Variants in NFIA observed in about 807,000 individuals in gnomAD.
The protein encoded by NFIA is nuclear factor I A.
In NFIA, 8 loss-of-function variants were observed where a neutral mutation model predicts 62.8. The ratio of observed to expected loss-of-function variants is 0.13; its 90% confidence interval spans 0.07 to 0.23. The LOEUF (loss-of-function observed/expected upper bound fraction) is 0.23. Among genes scored for constraint, NFIA ranks in the 10% least tolerant of loss-of-function variants. The pLI is 1.00. For synonymous variants in NFIA, 235 were observed against 238.1 expected (o/e 0.99, Z 0.12); for missense variants, 410 against 642.1 (o/e 0.64, Z 3.91).
chr1:61,237,412 A>C (rs977326737), intron 2 of NFIA, among the ~76,000 whole-genome samples: 29 of 152,230 alleles, frequency 1.9e-4, no homozygotes, highest in Non-Finnish European at 2.6e-4. Context: ...GGATGACATT[A>C]GCAACAGAAG....
chr1:61,117,326 T>C (rs939553734), intron 2 of NFIA, among the ~76,000 whole-genome samples: 6 of 152,150 alleles, frequency 3.9e-5, no homozygotes, highest in Non-Finnish European at 8.8e-5. Context: ...TCCATAGTGA[T>C]GGAAGAATGA....
chr1:61,135,545 C>G (rs1647167974), intron 2 of NFIA, among the ~76,000 whole-genome samples: 1 of 152,186 alleles, frequency 6.6e-6, no homozygotes, highest in Admixed American at 6.5e-5. Context: ...GCTGGGACTA[C>G]TGGCATGTGC....
intron 3 of NFIA, among the ~76,000 whole-genome samples, chr1:61,330,570 T>G (rs769762743): frequency 1.3e-5 from 2 of 151,958 alleles, no homozygotes; most frequent in Non-Finnish European, 2.9e-5. Flanking sequence ...GGTGGTAATT[T>G]GAATGAATGA....
At chr1:61,426,895 A>G (rs1019502075) in intron 10 of NFIA, among the ~76,000 whole-genome samples, 2 of 152,148 alleles carry the variant, frequency 1.3e-5, no homozygotes, top group Admixed American at 6.5e-5. Flanking sequence ...CCTGAAAGTA[A>G]TATCTGGTTG....
chr1:61,316,043 A>G (rs1008223312), intron 3 of NFIA, among the ~76,000 whole-genome samples: 2 of 152,206 alleles, frequency 1.3e-5, no homozygotes, highest in African/African-American at 4.8e-5. Flanking sequence ...TCTCGTCCAC[A>G]TACGGACTGA....
At chr1:61,347,057 G>A (rs1285438629) in intron 4 of NFIA, among the ~76,000 whole-genome samples, 2 of 151,932 alleles carry the variant, frequency 1.3e-5, no homozygotes, top group African/African-American at 4.8e-5. Flanking sequence ...AATTCAAGGT[G>A]AGATTTGGGT....
At chr1:61,341,040 G>T (rs1412783019) in intron 4 of NFIA, among the ~76,000 whole-genome samples, 5 of 150,494 alleles carry the variant, frequency 3.3e-5, no homozygotes, top group Non-Finnish European at 7.4e-5. Flanking sequence ...AACCACACCT[G>T]GGTCATCTGT....
At position 61,404,212 on chromosome 1, in the gene NFIA, C is replaced by T. The variant is rs1388708523; in HGVS notation, c.1184C>T (p.Thr395Met). 9.9e-6 allele frequency: 16 copies of T among 1,614,092 alleles called. No homozygotes were observed. The highest frequency in any genetic ancestry group is 1.3e-5 in the African/African-American group (1 of 74,928). ...HPAIRYHPQE[T>M]LKEFVQLVCP... ...GCCATCCGCTATCACCCTCAGGAGACGCTGAAAGAATTTGTCCAACTTGTC... is the reference window on the plus strand; with the variant it reads ...GCCATCCGCTATCACCCTCAGGAGATGCTGAAAGAATTTGTCCAACTTGTC... Residue 395 changes from threonine to methionine, a missense_variant, in exon 8 of 11, where the codon ACG (threonine) becomes ATG (methionine). By Grantham distance (81) the Thr-to-Met change is moderately conservative. Transcript: ENST00000403491.
intron 2 of NFIA, among the ~76,000 whole-genome samples, chr1:61,267,454 A>G (rs774612802): frequency 8.1e-4 from 123 of 152,158 alleles, no homozygotes; most frequent in Admixed American, 1.8e-3. Context: ...GGTTGCAGTG[A>G]GCCGAGATTG....
At chr1:61,446,183 A>G (rs1667801088) in intron 10 of NFIA, among the ~76,000 whole-genome samples, 1 of 152,220 alleles carries the variant, frequency 6.6e-6, no homozygotes, top group Non-Finnish European at 1.5e-5. Flanking sequence ...GACTTGAACC[A>G]GGCCACCAGA....
intron 2 of NFIA, among the ~76,000 whole-genome samples, chr1:61,142,587 A>T (rs925106154): frequency 6.6e-6 from 1 of 152,194 alleles, no homozygotes; most frequent in African/African-American, 2.4e-5. Context: ...AGTCTTTTAC[A>T]TTATGAATGA....
intron 2 of NFIA, among the ~76,000 whole-genome samples, chr1:61,266,421 C>G (rs1657172215): frequency 6.6e-6 from 1 of 150,976 alleles, no homozygotes; most frequent in Non-Finnish European, 1.5e-5. Flanking sequence ...ACTCTGTGTC[C>G]CAGGCTGGAG....
rs755201288 is a variant in NFIA, at chr1:61,427,013, A to G, written c.1512+457A>G. 1.2e-4 allele frequency among the ~76,000 whole-genome samples: 18 copies of G among 152,220 alleles called. No individual in the cohort carries two copies. In the East Asian group the frequency reaches 1.4e-3, roughly 11 times the overall value. On this transcript the variant is annotated intron_variant, in intron 10 of 10. Transcript: ENST00000403491. The stretch of plus-strand genomic sequence containing the variant: ...AGCTTTCTAAAAGAAAGAGGGAGAA[A>G]AGGGTATATGAGCCCTATTAAGTTG...
chr1:61,376,496 A>G (rs564648577), intron 6 of NFIA, among the ~76,000 whole-genome samples: 34 of 152,306 alleles, frequency 2.2e-4, no homozygotes, highest in Non-Finnish European at 4.3e-4. Context: ...CTGTGTTAGA[A>G]TCGCTGATAA....
intron 2 of NFIA, among the ~76,000 whole-genome samples, chr1:61,131,897 A>C (rs1284809895): frequency 6.6e-6 from 1 of 152,106 alleles, no homozygotes. Flanking sequence ...ATATCTCTTC[A>C]CTGAATTGTT....
chr1:61,178,275 G>A (rs1397264574), intron 2 of NFIA, among the ~76,000 whole-genome samples: 1 of 152,154 alleles, frequency 6.6e-6, no homozygotes, highest in East Asian at 1.9e-4. Context: ...AATAAAAATG[G>A]CTAGAAGGTA....
intron 2 of NFIA, among the ~76,000 whole-genome samples, chr1:61,158,248 G>T (rs1054595943): frequency 3.9e-5 from 6 of 151,958 alleles, no homozygotes; most frequent in Admixed American, 6.6e-5. Flanking sequence ...TTTTAAATTA[G>T]AAAAAACCCT....
At chr1:61,349,759 AT>A (rs921986418) in intron 4 of NFIA, among the ~76,000 whole-genome samples, 5 of 151,994 alleles carry the variant, frequency 3.3e-5, no homozygotes, top group African/African-American at 1.2e-4. Flanking sequence ...TTTAAAAAAA[AT>A]ATTTTTTTTT....
intron 3 of NFIA, among the ~76,000 whole-genome samples, chr1:61,298,654 C>T (rs1449088536): frequency 6.6e-6 from 1 of 152,098 alleles, no homozygotes; most frequent in Non-Finnish European, 1.5e-5. Flanking sequence ...CTCTCTGAGC[C>T]TTGGTTTACT....
Sources: gnomAD v4.1 joint callset for allele counts (sites outside exome capture counted in the v4.1 genomes callset) on GRCh38, gnomAD v4.1.1 for gene constraint, MANE v1.5 for transcripts, NCBI Gene and HGNC (gene_info 2026-07-23, HGNC 2026-07-21) for gene names.